LAMP5: variants seen among roughly 807,000 people sequenced by gnomAD.
LAMP5 encodes lysosome-associated membrane glycoprotein 5.
LAMP5 carries 36 observed loss-of-function variants against 30.2 expected under a neutral mutation model. The observed-to-expected ratio is 1.19, with a 90% CI of 0.91 to 1.57. LAMP5 has a LOEUF of 1.57. LAMP5 is among the 40% of genes most tolerant of loss of function. LAMP5 has a pLI of 0.00. For missense variants in LAMP5, 377 were observed against 354.9 expected, an observed-to-expected ratio of 1.06 and a Z score of -0.50; for synonymous variants, 149 against 134.6, an observed-to-expected ratio of 1.11 and a Z score of -0.74.
chr20:9,528,449 T>A (rs764662573), intron 5 of LAMP5, among the ~76,000 whole-genome samples: 3 of 152,154 alleles, frequency 2.0e-5, no homozygotes, highest in African/African-American at 4.8e-5. Flanking sequence ...TTAACAACCA[T>A]GTGTTGTACA....
At chr20:9,517,097 T>C (rs995650978) in intron 4 of LAMP5, among the ~76,000 whole-genome samples, 3 of 152,244 alleles carry the variant, frequency 2.0e-5, no homozygotes, top group African/African-American at 4.8e-5. Context: ...AGGATTTTTA[T>C]TGAATACATA....
At chr20:9,517,360 T>C (rs2045047883) in intron 4 of LAMP5, among the ~76,000 whole-genome samples, 1 of 152,202 alleles carries the variant, frequency 6.6e-6, no homozygotes, top group South Asian at 2.1e-4. Flanking sequence ...AGATGTTTTA[T>C]TCTTTGCCAG....
In LAMP5 at chr20:9,529,904, G is replaced by C. The variant is rs374605001; in HGVS notation, c.*84G>C. ...AAAAGCACTTTTCCATCTTGTACACGAGATACACCAACATAGCTACAATCA... is the reference window on the plus strand; with the variant it reads ...AAAAGCACTTTTCCATCTTGTACACCAGATACACCAACATAGCTACAATCA... On this transcript the variant is annotated 3_prime_UTR_variant, in exon 6 of 6. Transcript: ENST00000246070. 3.0e-6 allele frequency: 4 copies of C among 1,334,562 alleles called. No individual in the cohort carries two copies. In the African/African-American group the frequency reaches 4.3e-5, roughly 14 times the overall value. 82.7% of individuals were successfully genotyped at this position (1,334,562 alleles called of 1,614,324 possible). A position where few individuals can be genotyped will look rare whatever the true frequency, so the allele number is the denominator to read the frequency against.
rs1336618848 is a variant in LAMP5, at chr20:9,530,027, ATT to A, written c.*208_*209del. ...GGATTTGTAGGGTGAAATGGCAATT[ATT>A]CTCTCCATGCTGGGGAGGAGGGGAG... On this transcript the variant is annotated 3_prime_UTR_variant, in exon 6 of 6. Coordinates refer to ENST00000246070, the MANE Select transcript of LAMP5 (RefSeq NM_012261.4). 4 of 480,264 alleles carry A rather than the reference ATT, an allele frequency of 8.3e-6. No individual in the cohort carries two copies. Among genetic ancestry groups the A allele is most frequent in the African/African-American group, 7.7e-5 (4 of 52,112 alleles). The allele number at this position is 480,264 out of a possible 1,614,324, so 29.8% of individuals were successfully genotyped here. A position where few individuals can be genotyped will look rare whatever the true frequency, so the allele number is the denominator to read the frequency against.
intron 1 of LAMP5, 114 bp downstream of exon 1, chr20:9,515,030 G>C (rs2045025295): frequency 2.0e-6 from 2 of 1,014,078 alleles, no homozygotes; most frequent in Non-Finnish European, 1.5e-6. Flanking sequence ...AATGTTTTGC[G>C]GTGTTTTTTC....
At chr20:9,515,921 A>C in intron 2 of LAMP5, 79 bp from the exon 3 acceptor site, 2 of 1,406,256 alleles carry the variant, frequency 1.4e-6, no homozygotes, top group Non-Finnish European at 1.9e-6. Context: ...TGCAACCCAG[A>C]GTTTGGACGC....
chr20:9,514,661 G>T lies in LAMP5; in HGVS notation c.-192G>T. 3 of 537,464 alleles carry T rather than the reference G, an allele frequency of 5.6e-6. No individual in the cohort carries two copies. The highest frequency in any genetic ancestry group is 3.4e-6 in the Non-Finnish European group (1 of 297,674). The allele number at this position is 537,464 out of a possible 1,614,324, so 33.3% of individuals were successfully genotyped here. ...CCTCCGCAGTGAGCCGATTTGCTCT[G>T]CCAGCAGCTGTCGGTGCCGCGCTCG... On this transcript the variant is annotated 5_prime_UTR_variant, in exon 1 of 6. Coordinates refer to ENST00000246070, the MANE Select transcript of LAMP5 (RefSeq NM_012261.4).
Position 9,514,933 on chromosome 20 carries a change from C to A in LAMP5, c.64+17C>A, listed in dbSNP as rs756838272. On this transcript the variant is annotated intron_variant, in intron 1 of 5. Transcript: ENST00000246070. ...TGTTGTTCCGTGAGTAGCGATTTGG[C>A]GACTGGGAGAGAGGACGGGCACTCT... The A allele has an allele frequency of 6.2e-7, 1 of 1,612,250 alleles. No homozygotes were observed. Among genetic ancestry groups the A allele is most frequent in the East Asian group, 2.2e-5 (1 of 44,866 alleles).
At chr20:9,516,190 C>A in intron 3 of LAMP5, 59 bp downstream of exon 3, 2 of 1,603,612 alleles carry the variant, frequency 1.2e-6, no homozygotes, top group Non-Finnish European at 1.7e-6. Context: ...TGGGAAGTGG[C>A]GGCCCCTAGG....
At chr20:9,527,380 G>A (rs1204375773) in intron 5 of LAMP5, among the ~76,000 whole-genome samples, 1 of 152,140 alleles carries the variant, frequency 6.6e-6, no homozygotes, top group Non-Finnish European at 1.5e-5. Flanking sequence ...AGAACTGATT[G>A]TTAATTTAGG....
At chr20:9,516,511 C>A (rs2045041432) in intron 4 of LAMP5, 150 bp downstream of exon 4, 2 of 684,292 alleles carry the variant, frequency 2.9e-6, no homozygotes, top group Non-Finnish European at 5.0e-6. Context: ...GCGGAAGAGG[C>A]GGGAGCGCCC....
chr20:9,524,611 A>AG (rs1170000061), intron 5 of LAMP5, among the ~76,000 whole-genome samples: 1 of 150,370 alleles, frequency 6.7e-6, no homozygotes, highest in East Asian at 1.9e-4. Flanking sequence ...AAAAAAAAAA[A>AG]AAAAACAAAC....
At position 9,515,590 on chromosome 20, in the gene LAMP5, G is replaced by A. The variant is rs766159136; in HGVS notation, c.202G>A (p.Val68Ile). ...LMAEFAAKFI[V>I]PYDVWASNYV... ...GGCAGAGTTTGCAGCCAAATTTATTGTACCTTATGATGTGTGGGCCAGCAA... is the reference window on the plus strand; with the variant it reads ...GGCAGAGTTTGCAGCCAAATTTATTATACCTTATGATGTGTGGGCCAGCAA... Residue 68 changes from valine (V) to isoleucine (I), a missense_variant, in exon 2 of 6, where the codon GTA (valine) becomes ATA (isoleucine). Coordinates refer to ENST00000246070, the MANE Select transcript of LAMP5 (RefSeq NM_012261.4). 3.1e-6 allele frequency: 5 copies of A among 1,614,014 alleles called. No individual in the cohort carries two copies. The South Asian group carries it at 4.4e-5, about 14-fold the overall frequency.
chr20:9,522,494 C>A (rs4813892), intron 5 of LAMP5, among the ~76,000 whole-genome samples: 66,463 of 151,992 alleles, frequency 0.44, 17,490 homozygotes, highest in African/African-American at 0.74. Flanking sequence ...AAGCAGCCAA[C>A]GGTAAATAAT....
intron 5 of LAMP5, among the ~76,000 whole-genome samples, chr20:9,526,856 G>T (rs1440819478): frequency 1.3e-5 from 1 of 75,638 alleles, no homozygotes; most frequent in South Asian, 4.2e-4. Flanking sequence ...ATATGTGTGT[G>T]TGTGTATATA....
chr20:9,526,209 A>G (rs1277484708), intron 5 of LAMP5, among the ~76,000 whole-genome samples: 1 of 152,204 alleles, frequency 6.6e-6, no homozygotes, highest in East Asian at 1.9e-4. Context: ...ACTGTTTAAC[A>G]CAGACTTAGC....
chr20:9,514,728 T>A lies in LAMP5; in HGVS notation c.-125T>A. ...AGGCGCTCACAGAATACGCGCTCCC[T>A]CCCTCCCCCTTCTCTGTCCCCCGCC... On this transcript the variant is annotated 5_prime_UTR_variant, in exon 1 of 6. Coordinates refer to ENST00000246070, the MANE Select transcript of LAMP5 (RefSeq NM_012261.4). The A allele has an allele frequency of 4.0e-6, 3 of 748,314 alleles. No individual in the cohort carries two copies. The highest frequency in any genetic ancestry group is 6.6e-6 in the Non-Finnish European group (3 of 452,012). The allele number at this position is 748,314 out of a possible 1,614,324, so 46.4% of individuals were successfully genotyped here.
chr20:9,524,595 T>TAAAAAAAAAAAA (rs748114210), intron 5 of LAMP5, among the ~76,000 whole-genome samples: 17 of 81,944 alleles, frequency 2.1e-4, no homozygotes, highest in Admixed American at 4.5e-4. Context: ...CAGATCGAAC[T>TAAAAAAAAAAAA]AAAAAAAAAA....
At chr20:9,528,822 A>G (rs1350209241) in intron 5 of LAMP5, among the ~76,000 whole-genome samples, 2 of 152,152 alleles carry the variant, frequency 1.3e-5, no homozygotes, top group African/African-American at 2.4e-5. Context: ...CTGCTCTTGA[A>G]CTTCATATAA....
Sources: gnomAD v4.1 joint callset for allele counts (sites outside exome capture counted in the v4.1 genomes callset) on GRCh38, gnomAD v4.1.1 for gene constraint, MANE v1.5 for transcripts, NCBI Gene and HGNC (gene_info 2026-07-23, HGNC 2026-07-21) for gene names.